Variants in PPP1CB observed in about 807,000 individuals in gnomAD.
PPP1CB encodes the protein serine/threonine-protein phosphatase PP1-beta catalytic subunit.
A neutral mutation model predicts 43.7 loss-of-function variants in PPP1CB; 2 were observed. The observed-to-expected ratio is 0.05, with a 90% CI of 0.02 to 0.14. PPP1CB has a LOEUF of 0.14. Among genes scored for constraint, PPP1CB ranks in the 10% least tolerant of loss-of-function variants. PPP1CB has a pLI of 1.00. For missense variants in PPP1CB, 84 were observed against 398.0 expected (o/e 0.21, Z 6.71); for synonymous variants, 136 against 135.6 (o/e 1.00, Z -0.02).
At chr2:28,788,968 G>T (rs530613000) in intron 6 of PPP1CB, among the ~76,000 whole-genome samples, 159 bp downstream of exon 6, 1 of 151,988 alleles carries the variant, frequency 6.6e-6, no homozygotes, top group African/African-American at 2.4e-5. Flanking sequence ...GGCAGTTCTT[G>T]TGCCTCAGCC....
At chr2:28,761,452 CAT>C (rs1203373764) in intron 1 of PPP1CB, among the ~76,000 whole-genome samples, 2 of 152,150 alleles carry the variant, frequency 1.3e-5, no homozygotes, top group Non-Finnish European at 2.9e-5. Flanking sequence ...GTTTCTTCTG[CAT>C]ATATGATAGT....
rs544503503 is a variant in PPP1CB, at chr2:28,759,547, G to C, written c.52+7371G>C. On this transcript the variant is annotated intron_variant, in intron 1 of 7. Coordinates refer to ENST00000395366, the MANE Select transcript of PPP1CB (RefSeq NM_002709.3). ...AAAAAAAAAAAAAAAAAAAAAAAAA[G>C]TATAACACAATTATATAGAGTACAT... is the stretch of plus-strand genomic sequence containing the variant. 2.4e-5 allele frequency among the ~76,000 whole-genome samples: 3 copies of C among 126,006 alleles called. No homozygotes were observed. The East Asian group carries it at 8.2e-4, about 34-fold the overall frequency. The allele number at this position is 126,006 out of a possible 152,430, so 82.7% of individuals were successfully genotyped here. A position where few individuals can be genotyped will look rare whatever the true frequency, so the allele number is the denominator to read the frequency against.
Position 28,792,341 on chromosome 2 carries a change from G to GA in PPP1CB, c.745-1511dup, listed in dbSNP as rs539354141. 2.0e-3 allele frequency among the ~76,000 whole-genome samples: 284 copies of GA among 143,084 alleles called. 1 individual carries two copies. Among genetic ancestry groups the GA allele is most frequent in the African/African-American group, 6.3e-3 (247 of 39,128 alleles). 93.9% of individuals were successfully genotyped at this position (143,084 alleles called of 152,430 possible). ...GGCAACAAGAGCAAAACTCCATCTC[G>GA]AAAAAAAAAAAGAAAAGAAATACAA... is the stretch of plus-strand genomic sequence containing the variant. On this transcript the variant is annotated intron_variant, in intron 6 of 7. Transcript: ENST00000395366.
intron 6 of PPP1CB, among the ~76,000 whole-genome samples, chr2:28,791,758 A>C (rs1431192623): frequency 6.6e-6 from 1 of 152,218 alleles, no homozygotes; most frequent in Non-Finnish European, 1.5e-5. Context: ...TTTTTCAGCC[A>C]TAGATCTTCA....
chr2:28,767,502 G>C (rs1333250830), intron 1 of PPP1CB, among the ~76,000 whole-genome samples: 1 of 152,168 alleles, frequency 6.6e-6, no homozygotes, highest in Non-Finnish European at 1.5e-5. Context: ...TGCACTGGTA[G>C]TAAAAGTAAA....
chr2:28,785,963 G>A (rs1047212273), intron 5 of PPP1CB, among the ~76,000 whole-genome samples: 3 of 151,962 alleles, frequency 2.0e-5, no homozygotes, highest in South Asian at 2.1e-4. Context: ...TTATTTTAGC[G>A]TATTTTAATG....
intron 1 of PPP1CB, among the ~76,000 whole-genome samples, chr2:28,760,129 A>G (rs937138807): frequency 1.6e-4 from 25 of 152,164 alleles, no homozygotes; most frequent in African/African-American, 6.0e-4. Flanking sequence ...GTGTGTGTAT[A>G]TGGCTTAGTT....
At chr2:28,786,013 T>C (rs1490675343) in intron 5 of PPP1CB, among the ~76,000 whole-genome samples, 1 of 152,184 alleles carries the variant, frequency 6.6e-6, no homozygotes, top group Non-Finnish European at 1.5e-5. Flanking sequence ...TTTTGATCTT[T>C]GATAGTGTCT....
Position 28,751,939 on chromosome 2 carries a change from G to C in PPP1CB, c.-186G>C. 3.0e-6 allele frequency: 2 copies of C among 656,710 alleles called. No homozygotes were observed. The highest frequency in any genetic ancestry group is 2.8e-6 in the Non-Finnish European group (1 of 362,268). The allele number at this position is 656,710 out of a possible 1,614,324, so 40.7% of individuals were successfully genotyped here. A position where few individuals can be genotyped will look rare whatever the true frequency, so the allele number is the denominator to read the frequency against. On this transcript the variant is annotated 5_prime_UTR_variant, in exon 1 of 8. Transcript: ENST00000395366. The stretch of plus-strand genomic sequence containing the variant: ...ATTTATTTTCCGTGGGTGCCTCCGA[G>C]TGTGCGCGCGCTCTCGCTACCCGGC...
chr2:28,771,040 T>C (rs926844022), intron 1 of PPP1CB, among the ~76,000 whole-genome samples: 1,164 of 69,672 alleles, frequency 0.017, no homozygotes, highest in Admixed American at 0.026. Flanking sequence ...TATTCCCTGC[T>C]CCCCCCCCCC....
At chr2:28,769,427 G>A (rs12714243) in intron 1 of PPP1CB, among the ~76,000 whole-genome samples, 56,325 of 151,994 alleles carry the variant, frequency 0.37, 12,133 homozygotes, top group Non-Finnish European at 0.5. Flanking sequence ...GTAGAGGCAG[G>A]GTTTCTCCAT....
chr2:28,795,373 T>G (rs1330316685), intron 7 of PPP1CB, among the ~76,000 whole-genome samples: 2 of 152,142 alleles, frequency 1.3e-5, no homozygotes, highest in African/African-American at 4.8e-5. Context: ...GGTGGTTGTT[T>G]TAAGTTCTTT....
At chr2:28,755,635 CAA>C (rs1666471831) in intron 1 of PPP1CB, among the ~76,000 whole-genome samples, 1 of 152,082 alleles carries the variant, frequency 6.6e-6, no homozygotes, top group South Asian at 2.1e-4. Context: ...GAGTGGTTCT[CAA>C]AGAGGGGTGG....
chr2:28,771,346 C>T (rs1273606859), intron 1 of PPP1CB, among the ~76,000 whole-genome samples: 4 of 152,062 alleles, frequency 2.6e-5, no homozygotes, highest in Non-Finnish European at 4.4e-5. Flanking sequence ...CCACTGTACT[C>T]GGCCTTATTC....
intron 7 of PPP1CB, among the ~76,000 whole-genome samples, chr2:28,794,750 T>C (rs979386555): frequency 6.6e-6 from 1 of 152,200 alleles, no homozygotes; most frequent in Admixed American, 6.5e-5. Context: ...ACTACCCGTT[T>C]ATGTCACAGG....
intron 6 of PPP1CB, among the ~76,000 whole-genome samples, chr2:28,793,638 A>G (rs137972750): frequency 7.0e-4 from 107 of 152,266 alleles, no homozygotes; most frequent in African/African-American, 2.5e-3. Context: ...AGGAGTGGTG[A>G]ATTTATTATT....
chr2:28,776,862 C>A lies in PPP1CB; in HGVS notation c.64C>A (p.Arg22Ser). The change falls in exon 2 of 8, where the codon CGT (arginine) becomes AGT (serine). Residue 22 changes from arginine (R) to serine (S), a missense_variant. Physicochemically the swap from Arg to Ser is moderately radical, Grantham distance 110. Transcript: ENST00000395366. ...ITRLLEVRGC[R>S]PGKIVQMTEA... The stretch of plus-strand genomic sequence containing the variant: ...TTATCGTTTGTCAGTACGAGGATGT[C>A]GTCCAGGAAAGATTGTGCAGATGAC... The A allele has an allele frequency of 6.2e-7, 1 of 1,608,872 alleles. No individual in the cohort carries two copies. Among genetic ancestry groups the A allele is most frequent in the Non-Finnish European group, 8.5e-7 (1 of 1,176,414 alleles).
chr2:28,779,817 A>C (rs573489409), intron 3 of PPP1CB, among the ~76,000 whole-genome samples: 3 of 152,260 alleles, frequency 2.0e-5, no homozygotes, highest in African/African-American at 7.2e-5. Context: ...TGATTTGACA[A>C]AGTTTGAGGG....
At chr2:28,756,311 CTTACAGTT>C (rs1268646901) in intron 1 of PPP1CB, among the ~76,000 whole-genome samples, 4 of 152,204 alleles carry the variant, frequency 2.6e-5, no homozygotes, top group African/African-American at 9.7e-5. Context: ...TTTTGGCCCA[CTTACAGTT>C]TTATGAAAAT....
Sources: allele counts gnomAD v4.1 joint callset (sites outside exome capture counted in the v4.1 genomes callset), GRCh38; gene constraint gnomAD v4.1.1; transcripts MANE v1.5; gene names NCBI Gene and HGNC (gene_info 2026-07-23, HGNC 2026-07-21).